The following ZNF624 variants were observed in gnomAD, a reference collection of about 807,000 sequenced individuals.
The protein encoded by ZNF624 is zinc finger protein 624.
Under a neutral mutation model 74.7 loss-of-function variants are expected in ZNF624, and 43 were observed. That is an observed-to-expected ratio of 0.58 (90% CI 0.45 to 0.74). The LOEUF is 0.74. ZNF624 is among the 30% of genes least tolerant of loss of function. The pLI, the probability that ZNF624 is intolerant of heterozygous loss-of-function variation, is 0.00. For missense variants in ZNF624, 820 were observed against 1,030.0 expected, an observed-to-expected ratio of 0.80 and a Z score of 2.79; for synonymous variants, 331 against 341.3, an observed-to-expected ratio of 0.97 and a Z score of 0.33.
At chr17:16,639,830 C>G (rs1597496460) in intron 3 of ZNF624, among the ~76,000 whole-genome samples, 1 of 152,276 alleles carries the variant, frequency 6.6e-6, no homozygotes, top group East Asian at 1.9e-4. Context: ...AGGGGAGAAT[C>G]TGATTTCCAG....
chr17:16,626,220 G>C (rs1035584535), intron 5 of ZNF624, among the ~76,000 whole-genome samples: 9 of 152,110 alleles, frequency 5.9e-5, no homozygotes, highest in African/African-American at 2.2e-4. Flanking sequence ...CAAAGTGCTG[G>C]GGTTTCAGGC....
At chr17:16,638,306 C>A (rs953739796) in intron 3 of ZNF624, among the ~76,000 whole-genome samples, 4 of 152,106 alleles carry the variant, frequency 2.6e-5, no homozygotes, top group Admixed American at 2.6e-4. Context: ...GTCAGTGTGG[C>A]GATTCCTCAG....
At chr17:16,614,618 T>C in the ZNF624 span, among the ~76,000 whole-genome samples, 1 of 152,226 alleles carries the variant, frequency 6.6e-6, no homozygotes, top group South Asian at 2.1e-4. Flanking sequence ...ATACCAATCT[T>C]ACACATCTTA....
intron 3 of ZNF624, among the ~76,000 whole-genome samples, chr17:16,638,773 G>C (rs1909398548): frequency 6.7e-6 from 1 of 149,006 alleles, no homozygotes; most frequent in Non-Finnish European, 1.5e-5. Context: ...GACTTAATGG[G>C]TGCAGCACAC....
downstream of ZNF624, among the ~76,000 whole-genome samples, chr17:16,618,052 G>A (rs1908829262): frequency 6.6e-6 from 1 of 152,168 alleles, no homozygotes; most frequent in Non-Finnish European, 1.5e-5. Context: ...AAAAATTGTT[G>A]CAAAAATATA....
At chr17:16,650,921 G>A (rs1909708980) in intron 1 of ZNF624, among the ~76,000 whole-genome samples, 1 of 152,038 alleles carries the variant, frequency 6.6e-6, no homozygotes, top group Non-Finnish European at 1.5e-5. Context: ...TAACCTTACA[G>A]TGTCTAACAA....
At position 16,633,335 on chromosome 17, in the gene ZNF624, C is replaced by T. The variant is rs114787397; in HGVS notation, c.376+527G>A. ...AATACATCAATACTATATTTTGATT[C>T]TCAACTGCTTCCTTGTTTGTATTAG... On this transcript the variant is annotated intron_variant, in intron 5 of 5. Coordinates refer to ENST00000311331, the MANE Select transcript of ZNF624 (RefSeq NM_020787.4). 2.1e-3 allele frequency among the ~76,000 whole-genome samples: 321 copies of T among 152,296 alleles called. 2 individuals are homozygous for T. Among genetic ancestry groups the T allele is most frequent in the African/African-American group, 7.5e-3 (311 of 41,572 alleles).
At chr17:16,632,455 A>G (rs1909228600) in intron 5 of ZNF624, among the ~76,000 whole-genome samples, 1 of 152,062 alleles carries the variant, frequency 6.6e-6, no homozygotes, top group Admixed American at 6.6e-5. Flanking sequence ...CCACTGCTCC[A>G]TTTCTCTTTC....
chr17:16,619,417 CAGATG>C (rs950230204), downstream of ZNF624, among the ~76,000 whole-genome samples: 36 of 152,202 alleles, frequency 2.4e-4, no homozygotes, highest in African/African-American at 7.5e-4. Flanking sequence ...AGGTAAGCTG[CAGATG>C]AGATATGTGT....
In ZNF624 at chr17:16,633,711, G is replaced by T. The variant is rs141357006; in HGVS notation, c.376+151C>A. ...AGAGAGGGAGAGAGAAGATGGGGGT[G>T]AGAGGGACAGGCAGTGAGATGGGGG... is the stretch of plus-strand genomic sequence containing the variant. On this transcript the variant is annotated intron_variant, in intron 5 of 5. Coordinates refer to ENST00000311331, the MANE Select transcript of ZNF624 (RefSeq NM_020787.4). 61 of 551,570 alleles carry T rather than the reference G, an allele frequency of 1.1e-4. No homozygotes were observed. In the East Asian group the frequency reaches 1.7e-3, roughly 15 times the overall value. The allele number at this position is 551,570 out of a possible 1,614,324, so 34.2% of individuals were successfully genotyped here.
Position 16,621,306 on chromosome 17 carries a change from CTT to C in ZNF624, c.*980_*981del, listed in dbSNP as rs1908906759. The C allele has an allele frequency of 6.6e-6, 1 of 152,264 alleles. No individual in the cohort carries two copies. 9.4% of individuals were successfully genotyped at this position (152,264 alleles called of 1,614,324 possible). ...CCAGTTCCCTATTAATGGGCATTCA[CTT>C]TGTTTGCAGTTGGGGCTTTGCCCCC... On this transcript the variant is annotated 3_prime_UTR_variant, in exon 6 of 6. Transcript: ENST00000311331.
rs1413870233 is a variant in ZNF624, at chr17:16,636,805, C to T, written c.154-2049G>A. 2.6e-5 allele frequency among the ~76,000 whole-genome samples: 4 copies of T among 151,096 alleles called. No homozygotes were observed. In the East Asian group the frequency reaches 7.8e-4, roughly 29 times the overall value. ...GAGCCGAGATTGCGCCACTGCACTCCAGCCTGGTACACGAAGAGAGACTCC... is the reference window on the plus strand; with the variant it reads ...GAGCCGAGATTGCGCCACTGCACTCTAGCCTGGTACACGAAGAGAGACTCC... On this transcript the variant is annotated intron_variant, in intron 3 of 5. Coordinates refer to ENST00000311331, the MANE Select transcript of ZNF624 (RefSeq NM_020787.4).
At chr17:16,616,906 G>C (rs1597487814), downstream of ZNF624, 7 of 1,506,804 alleles carry the variant, frequency 4.6e-6, no homozygotes, top group East Asian at 1.6e-4. Context: ...TCTAGAACAG[G>C]ATCTTGAAGT....
chr17:16,617,666 G>T, downstream of ZNF624: 2 of 1,601,860 alleles, frequency 1.2e-6, no homozygotes, highest in East Asian at 2.3e-5. Context: ...TGCGACGCGG[G>T]CCCCGGGCGT....
At chr17:16,647,248 T>C in intron 3 of ZNF624, 81 bp downstream of exon 3, 1 of 1,208,132 alleles carries the variant, frequency 8.3e-7, no homozygotes, top group South Asian at 1.2e-5. Context: ...GAACTTGCAA[T>C]TAACTGGGAA....
rs143880448 is a variant in ZNF624 at position 16,649,663 on chromosome 17, G to A, written c.82C>T (p.Arg28Cys). The A allele has an allele frequency of 5.4e-5, 87 of 1,613,796 alleles. No homozygotes were observed. The African/African-American group carries it at 8.8e-4, about 16-fold the overall frequency. The change falls in exon 2 of 6, where the codon CGC becomes TGC. Residue 28 changes from arginine to cysteine, a missense_variant. Arg to Cys is a radical substitution (Grantham distance 180, BLOSUM62 -3). Coordinates refer to ENST00000311331, the MANE Select transcript of ZNF624 (RefSeq NM_020787.4). ...IMAAVFFSVGRLSPEVTQPDE... is the reference protein window; with the variant it reads ...IMAAVFFSVGCLSPEVTQPDE... Reference sequence around the variant, plus strand: ...AACAGGGAATCCCAACTTACCAGGCGTCCAACTGAGAAAAACACAGCAGCC... The same window carrying A: ...AACAGGGAATCCCAACTTACCAGGCATCCAACTGAGAAAAACACAGCAGCC...
intron 5 of ZNF624, among the ~76,000 whole-genome samples, chr17:16,625,524 T>A (rs1428696113): frequency 6.6e-6 from 1 of 152,182 alleles, no homozygotes; most frequent in East Asian, 1.9e-4. Context: ...AGCTTTGTTG[T>A]GAGGGCTTTC....
chr17:16,618,505 A>C (rs1412158208), downstream of ZNF624, among the ~76,000 whole-genome samples: 1 of 152,230 alleles, frequency 6.6e-6, no homozygotes, highest in Admixed American at 6.5e-5. Flanking sequence ...TGAAAAAAAA[A>C]ATCATTCAAC....
chr17:16,646,550 G>A (rs917962564), intron 3 of ZNF624, among the ~76,000 whole-genome samples: 1 of 152,148 alleles, frequency 6.6e-6, no homozygotes, highest in Admixed American at 6.5e-5. Context: ...AGGTTTAAAG[G>A]AGATGCAAGA....
Sources: gnomAD v4.1 joint callset for allele counts (sites outside exome capture counted in the v4.1 genomes callset) on GRCh38, gnomAD v4.1.1 for gene constraint, MANE v1.5 for transcripts, NCBI Gene and HGNC (gene_info 2026-07-23, HGNC 2026-07-21) for gene names.